Variants in LURAP1L observed in about 807,000 individuals in gnomAD.
The protein encoded by LURAP1L is leucine rich adaptor protein 1 like.
A neutral mutation model predicts 13.8 loss-of-function variants in LURAP1L; 12 were observed. The observed-to-expected ratio is 0.87, with a 90% CI of 0.56 to 1.41. The LOEUF is 1.41. Among genes scored for constraint, LURAP1L ranks in the 40% most tolerant of loss-of-function variants. LURAP1L has a pLI of 0.00. For missense variants in LURAP1L, 375 were observed against 292.9 expected, an observed-to-expected ratio of 1.28 and a Z score of -2.04; for synonymous variants, 139 against 119.2, an observed-to-expected ratio of 1.17 and a Z score of -1.08.
chr9:12,788,913 T>G (rs910472101), intron 1 of LURAP1L, among the ~76,000 whole-genome samples: 1 of 148,270 alleles, frequency 6.7e-6, no homozygotes, highest in African/African-American at 2.5e-5. Context: ...ATATATATAT[T>G]TTTAATAAGC....
intron 1 of LURAP1L, among the ~76,000 whole-genome samples, chr9:12,798,850 GC>G (rs1819546092): frequency 6.6e-6 from 1 of 152,134 alleles, no homozygotes; most frequent in Non-Finnish European, 1.5e-5. Context: ...AGTGACCCTT[GC>G]TTGCAAATAT....
chr9:12,785,232 T>C (rs117134276), intron 1 of LURAP1L, among the ~76,000 whole-genome samples: 130 of 152,240 alleles, frequency 8.5e-4, no homozygotes, highest in Non-Finnish European at 1.7e-3. Context: ...TGAGGTAGTA[T>C]TTAAGTTACA....
intron 1 of LURAP1L, among the ~76,000 whole-genome samples, chr9:12,795,096 C>T (rs1389334820): frequency 6.6e-6 from 1 of 151,890 alleles, no homozygotes; most frequent in African/African-American, 2.4e-5. Context: ...TGGTCAATTG[C>T]TTATCAATTT....
At chr9:12,778,169 G>C (rs1017174300) in intron 1 of LURAP1L, among the ~76,000 whole-genome samples, 1 of 152,150 alleles carries the variant, frequency 6.6e-6, no homozygotes, top group African/African-American at 2.4e-5. Flanking sequence ...TTTGAAGCCA[G>C]ATAAACCAGG....
chr9:12,821,836 T>A lies in LURAP1L; in HGVS notation c.*76T>A. 6.7e-7 allele frequency: 1 copy of A among 1,494,950 alleles called. No homozygotes were observed. Among genetic ancestry groups the A allele is most frequent in the Non-Finnish European group, 8.9e-7 (1 of 1,120,894 alleles). 92.6% of individuals were successfully genotyped at this position (1,494,950 alleles called of 1,614,324 possible). On this transcript the variant is annotated 3_prime_UTR_variant, in exon 2 of 2. Coordinates refer to ENST00000319264, the MANE Select transcript of LURAP1L (RefSeq NM_203403.2). Reference sequence around the variant, plus strand: ...CTTCTCCGCTGCTATATTTTTGGTGTGATTTTTATTTTAATAAGATGACCT... The same window carrying A: ...CTTCTCCGCTGCTATATTTTTGGTGAGATTTTTATTTTAATAAGATGACCT...
At chr9:12,820,026 T>A (rs79140175) in intron 1 of LURAP1L, among the ~76,000 whole-genome samples, 4 of 152,248 alleles carry the variant, frequency 2.6e-5, no homozygotes, top group Non-Finnish European at 4.4e-5. Context: ...CCTGCCAGGC[T>A]CTGTACTCGA....
At position 12,821,973 on chromosome 9, in the gene LURAP1L, C is replaced by A; in HGVS notation, c.*213C>A. On this transcript the variant is annotated 3_prime_UTR_variant, in exon 2 of 2. Coordinates refer to ENST00000319264, the MANE Select transcript of LURAP1L (RefSeq NM_203403.2). Reference sequence around the variant, plus strand: ...TTACATCTCTATTTTTTATTTATTACAATGATTTTCTCCCTTCTTTTACAG... The same window carrying A: ...TTACATCTCTATTTTTTATTTATTAAAATGATTTTCTCCCTTCTTTTACAG... The A allele has an allele frequency of 2.1e-6, 1 of 467,492 alleles. No individual in the cohort carries two copies. The highest frequency in any genetic ancestry group is 3.7e-6 in the Non-Finnish European group (1 of 271,892). 29.0% of individuals were successfully genotyped at this position (467,492 alleles called of 1,614,324 possible).
intron 1 of LURAP1L, among the ~76,000 whole-genome samples, chr9:12,787,948 C>G (rs568504618): frequency 5.9e-5 from 9 of 151,850 alleles, no homozygotes; most frequent in African/African-American, 1.9e-4. Flanking sequence ...CCCGTCTCTG[C>G]TAAAAATACA....
At chr9:12,804,212 A>G (rs566730883) in intron 1 of LURAP1L, among the ~76,000 whole-genome samples, 1 of 152,312 alleles carries the variant, frequency 6.6e-6, no homozygotes, top group African/African-American at 2.4e-5. Context: ...ATTTGATGGA[A>G]ACTTTTGTCA....
chr9:12,800,292 G>C lies in LURAP1L; in HGVS notation c.313-21094G>C, dbSNP rs567178908. Among the ~76,000 whole-genome samples the C allele has an allele frequency of 2.1e-4, 32 of 152,262 alleles. 1 individual carries two copies. In the South Asian group the frequency reaches 6.2e-3, roughly 30 times the overall value. On this transcript the variant is annotated intron_variant, in intron 1 of 1. Coordinates refer to ENST00000319264, the MANE Select transcript of LURAP1L (RefSeq NM_203403.2). Reference sequence around the variant, plus strand: ...TTTCCCAACTGCATTGCCTTGTCATGTACATAATGTATACCACTTTTTGGA... The same window carrying C: ...TTTCCCAACTGCATTGCCTTGTCATCTACATAATGTATACCACTTTTTGGA...
chr9:12,819,300 T>C (rs1400252881), intron 1 of LURAP1L, among the ~76,000 whole-genome samples: 2 of 152,174 alleles, frequency 1.3e-5, no homozygotes, highest in Non-Finnish European at 2.9e-5. Flanking sequence ...TTGTACTTTA[T>C]GTTTTTTGTA....
chr9:12,785,904 G>A (rs1299652614), intron 1 of LURAP1L, among the ~76,000 whole-genome samples: 1 of 152,084 alleles, frequency 6.6e-6, no homozygotes, highest in African/African-American at 2.4e-5. Flanking sequence ...ATGTTTCTGT[G>A]GGGGTGACAA....
chr9:12,787,709 C>G (rs1586876856), intron 1 of LURAP1L, among the ~76,000 whole-genome samples: 1 of 152,132 alleles, frequency 6.6e-6, no homozygotes, highest in Non-Finnish European at 1.5e-5. Flanking sequence ...AGTTGTTCCT[C>G]AAAAGACAAT....
intron 1 of LURAP1L, among the ~76,000 whole-genome samples, chr9:12,800,113 T>A (rs1019177316): frequency 2.0e-5 from 3 of 152,180 alleles, no homozygotes; most frequent in Non-Finnish European, 4.4e-5. Flanking sequence ...CCTCATGCTG[T>A]GCATTAGATT....
chr9:12,821,695 A>G lies in LURAP1L; in HGVS notation c.622A>G (p.Ile208Val). Residue 208 changes from isoleucine (I) to valine (V), a missense_variant, in exon 2 of 2, where the codon ATA (isoleucine) becomes GTA (valine). Physicochemically the swap from Ile to Val is conservative, Grantham distance 29. Transcript: ENST00000319264. Reference sequence around the variant, plus strand: ...GGACCAATTCAGTGACAGCTCCCTCATAGAGGACTCACAGGCACTACACAA... The same window carrying G: ...GGACCAATTCAGTGACAGCTCCCTCGTAGAGGACTCACAGGCACTACACAA... Reference protein sequence around the residue: ...DLDQFSDSSLIEDSQALHKRP... With the variant: ...DLDQFSDSSLVEDSQALHKRP... 6.2e-7 allele frequency: 1 copy of G among 1,614,150 alleles called. No individual in the cohort carries two copies. The highest frequency in any genetic ancestry group is 2.2e-5 in the East Asian group (1 of 44,872).
At chr9:12,813,556 TGG>T (rs1162874832) in intron 1 of LURAP1L, among the ~76,000 whole-genome samples, 1 of 152,164 alleles carries the variant, frequency 6.6e-6, no homozygotes, top group Non-Finnish European at 1.5e-5. Flanking sequence ...TTTATTTTAT[TGG>T]TTGTCTAGAC....
chr9:12,819,692 C>T (rs955261633), intron 1 of LURAP1L, among the ~76,000 whole-genome samples: 28 of 152,226 alleles, frequency 1.8e-4, no homozygotes, highest in Admixed American at 1.4e-3. Context: ...TGGTGACTCA[C>T]GCTTGTAATC....
intron 1 of LURAP1L, among the ~76,000 whole-genome samples, chr9:12,806,981 A>C (rs151190593): frequency 7.5e-6 from 1 of 133,146 alleles, no homozygotes; most frequent in Non-Finnish European, 1.5e-5. Context: ...CCATCGCGCC[A>C]CTGCACTCCA....
intron 1 of LURAP1L, among the ~76,000 whole-genome samples, chr9:12,812,878 C>T (rs1361362000): frequency 6.6e-6 from 1 of 152,048 alleles, no homozygotes; most frequent in Non-Finnish European, 1.5e-5. Context: ...TGGCTTATTC[C>T]CTTTTTCAGT....
Sources: gnomAD v4.1 joint callset for allele counts (sites outside exome capture counted in the v4.1 genomes callset) on GRCh38, gnomAD v4.1.1 for gene constraint, MANE v1.5 for transcripts, NCBI Gene and HGNC (gene_info 2026-07-23, HGNC 2026-07-21) for gene names.